The following PTPRT variants were observed in gnomAD, a reference collection of about 807,000 sequenced individuals.
PTPRT encodes receptor-type tyrosine-protein phosphatase T.
PTPRT carries 56 observed loss-of-function variants against 176.8 expected under a neutral mutation model. The ratio of observed to expected loss-of-function variants is 0.32; its 90% CI spans 0.26 to 0.40. PTPRT has a LOEUF of 0.40. Ranked by LOEUF, PTPRT falls within the 10% of genes least tolerant of loss-of-function variation. The probability of loss-of-function intolerance (pLI) is 1.00; values close to 1 mark genes in which losing one functional copy is unlikely to be tolerated. For synonymous variants in PTPRT, 783 were observed against 739.0 expected, an observed-to-expected ratio of 1.06 and a Z score of -0.96; for missense variants, 1,540 against 1,908.2, an observed-to-expected ratio of 0.81 and a Z score of 3.60.
rs141399024 is a variant in PTPRT at position 42,342,476 on chromosome 20, G to A, written c.1865+8152C>T. Among the ~76,000 whole-genome samples, 21 of 152,234 alleles carry A rather than the reference G, an allele frequency of 1.4e-4. 1 individual carries two copies. The highest frequency in any genetic ancestry group is 2.6e-4 in the Admixed American group (4 of 15,286). ...GACCCATAGCATTCCTCATCATCAG[G>A]TCCCAGCAAAGGTGGCCCAGAGAAC... is the stretch of plus-strand genomic sequence containing the variant. On this transcript the variant is annotated intron_variant, in intron 11 of 30. Coordinates refer to ENST00000373187, the MANE Select transcript of PTPRT (RefSeq NM_007050.6).
chr20:43,073,016 T>C (rs1034040909), intron 1 of PTPRT, among the ~76,000 whole-genome samples: 1 of 152,132 alleles, frequency 6.6e-6, no homozygotes, highest in African/African-American at 2.4e-5. Context: ...ATCTGTGTGC[T>C]CAAAAAGACT....
At chr20:42,832,641 A>G (rs1336608950) in intron 2 of PTPRT, among the ~76,000 whole-genome samples, 4 of 151,762 alleles carry the variant, frequency 2.6e-5, no homozygotes, top group Non-Finnish European at 5.9e-5. Context: ...AAGTATAAAT[A>G]AAAATTGCAA....
intron 1 of PTPRT, among the ~76,000 whole-genome samples, chr20:43,187,458 T>G (rs2015422819): frequency 6.6e-6 from 1 of 151,992 alleles, no homozygotes; most frequent in Admixed American, 6.6e-5. Flanking sequence ...AATACAGATG[T>G]TCATGAGGAA....
At chr20:43,145,738 C>T (rs902536566) in intron 1 of PTPRT, among the ~76,000 whole-genome samples, 1 of 152,218 alleles carries the variant, frequency 6.6e-6, no homozygotes, top group Non-Finnish European at 1.5e-5. Flanking sequence ...CTCCAGCTCT[C>T]CAAAGCCAGC....
intron 1 of PTPRT, among the ~76,000 whole-genome samples, chr20:43,061,540 G>A (rs1987461703): frequency 6.6e-6 from 1 of 152,222 alleles, no homozygotes; most frequent in Admixed American, 6.5e-5. Flanking sequence ...CAACGAATGG[G>A]CTCTGGGCAG....
intron 16 of PTPRT, among the ~76,000 whole-genome samples, chr20:42,168,647 T>G (rs978399691): frequency 2.0e-5 from 3 of 152,226 alleles, no homozygotes; most frequent in Non-Finnish European, 2.9e-5. Context: ...CCTCTCTCAA[T>G]TGATTCAACA....
chr20:42,066,162 C>G, the PTPRT span, among the ~76,000 whole-genome samples: 1 of 151,294 alleles, frequency 6.6e-6, no homozygotes, highest in Non-Finnish European at 1.5e-5. Flanking sequence ...GCCTCAGCCT[C>G]CTGAGTAGCT....
At chr20:42,083,668 A>C (rs1186103609) in intron 29 of PTPRT, among the ~76,000 whole-genome samples, 3 of 152,252 alleles carry the variant, frequency 2.0e-5, no homozygotes, top group Non-Finnish European at 1.5e-5. Flanking sequence ...TTCTGAGGTC[A>C]GTCAGATGTT....
chr20:42,875,861 C>G (rs1278041703), intron 2 of PTPRT, among the ~76,000 whole-genome samples: 1 of 152,198 alleles, frequency 6.6e-6, no homozygotes, highest in South Asian at 2.1e-4. Context: ...TTTTCTGTGC[C>G]TAGGTTTCCT....
chr20:42,515,552 T>A (rs1489389344), intron 7 of PTPRT, among the ~76,000 whole-genome samples: 1 of 152,176 alleles, frequency 6.6e-6, no homozygotes, highest in African/African-American at 2.4e-5. Flanking sequence ...ATTATACTTA[T>A]TATCATTTTT....
At chr20:42,401,391 T>C (rs916615536) in intron 9 of PTPRT, among the ~76,000 whole-genome samples, 4 of 152,090 alleles carry the variant, frequency 2.6e-5, no homozygotes, top group Non-Finnish European at 5.9e-5. Flanking sequence ...GAAAAAGTGT[T>C]AATAATGATA....
intron 15 of PTPRT, among the ~76,000 whole-genome samples, chr20:42,217,122 C>A (rs1241446395): frequency 2.0e-5 from 3 of 152,084 alleles, no homozygotes; most frequent in Non-Finnish European, 4.4e-5. Context: ...GCCTGTAATC[C>A]CAGCATTTTA....
At chr20:42,282,759 A>C (rs2057161863) in intron 12 of PTPRT, among the ~76,000 whole-genome samples, 1 of 151,934 alleles carries the variant, frequency 6.6e-6, no homozygotes, top group South Asian at 2.1e-4. Flanking sequence ...CCTGACTCCT[A>C]CCATCTCATA....
chr20:42,795,032 G>T (rs1396690008), intron 2 of PTPRT, among the ~76,000 whole-genome samples: 1 of 152,164 alleles, frequency 6.6e-6, no homozygotes, highest in African/African-American at 2.4e-5. Context: ...CATCAGCTCT[G>T]TGGGGCCCGC....
intron 2 of PTPRT, among the ~76,000 whole-genome samples, chr20:42,881,720 G>C (rs1446820091): frequency 3.1e-5 from 3 of 97,464 alleles, no homozygotes; most frequent in Non-Finnish European, 5.4e-5. Context: ...GCGACACTCT[G>C]TCTCAAAAAA....
chr20:42,540,529 A>T (rs1447204599), intron 7 of PTPRT, among the ~76,000 whole-genome samples: 1 of 152,200 alleles, frequency 6.6e-6, no homozygotes, highest in African/African-American at 2.4e-5. Flanking sequence ...GAGAGAGCAC[A>T]ACACCAGCAC....
At chr20:42,524,143 T>C (rs1474907348) in intron 7 of PTPRT, among the ~76,000 whole-genome samples, 1 of 152,234 alleles carries the variant, frequency 6.6e-6, no homozygotes, top group East Asian at 1.9e-4. Flanking sequence ...AGTTGTATCA[T>C]GTTTTCTACA....
intron 7 of PTPRT, among the ~76,000 whole-genome samples, chr20:42,643,129 A>T (rs1883504): frequency 0.1 from 15,641 of 152,174 alleles, 987 homozygotes; most frequent in Non-Finnish European, 0.15. Context: ...CACATTGAGT[A>T]TTGTTACGCA....
chr20:42,792,665 T>C (rs1422974009), intron 2 of PTPRT, among the ~76,000 whole-genome samples: 1 of 152,148 alleles, frequency 6.6e-6, no homozygotes, highest in Non-Finnish European at 1.5e-5. Flanking sequence ...ACCACTAAAA[T>C]CTTCAATTCA....
Sources: allele counts gnomAD v4.1 joint callset (sites outside exome capture counted in the v4.1 genomes callset), GRCh38; gene constraint gnomAD v4.1.1; transcripts MANE v1.5; gene names NCBI Gene and HGNC (gene_info 2026-07-23, HGNC 2026-07-21).